RASSF2: variants seen among roughly 807,000 people sequenced by gnomAD.
The protein encoded by RASSF2 is ras association domain-containing protein 2.
A neutral mutation model predicts 46.3 loss-of-function variants in RASSF2; 34 were observed. That is an observed-to-expected ratio of 0.73 (90% CI 0.56 to 0.98). The LOEUF (loss-of-function observed/expected upper bound fraction) is 0.98, where lower values mean the gene tolerates loss of function less well. RASSF2 is among the 50% of genes least tolerant of loss of function. The pLI, the probability that RASSF2 is intolerant of heterozygous loss-of-function variation, is 0.00. For synonymous variants in RASSF2, 158 were observed against 162.5 expected, an observed-to-expected ratio of 0.97 and a Z score of 0.21; for missense variants, 364 against 431.2, an observed-to-expected ratio of 0.84 and a Z score of 1.38.
intron 8 of RASSF2, 57 bp from the exon 9 acceptor site, chr20:4,788,325 G>A (rs752491282): frequency 3.5e-5 from 52 of 1,505,034 alleles, no homozygotes; most frequent in Non-Finnish European, 4.2e-5. Flanking sequence ...TCCCAACTTC[G>A]AGGCTTTTCC....
chr20:4,820,171 G>A (rs887392934), intron 2 of RASSF2, among the ~76,000 whole-genome samples: 6 of 152,120 alleles, frequency 3.9e-5, no homozygotes, highest in East Asian at 1.9e-4. Context: ...GAAACCAGCC[G>A]TGAGACCTGT....
At chr20:4,798,609 A>G (rs79002470) in intron 3 of RASSF2, among the ~76,000 whole-genome samples, 23,486 of 151,518 alleles carry the variant, frequency 0.16, 1,877 homozygotes, top group East Asian at 0.19. Context: ...CGGATCACTT[A>G]AGGTCAGGAG....
chr20:4,798,829 AAAAC>A (rs1167725772), intron 3 of RASSF2, among the ~76,000 whole-genome samples: 62 of 139,374 alleles, frequency 4.4e-4, no homozygotes, highest in African/African-American at 1.5e-3. Flanking sequence ...CCATCTCAAA[AAAAC>A]AAACAAACAA....
At chr20:4,822,142 C>T (rs8125214) in intron 2 of RASSF2, among the ~76,000 whole-genome samples, 187 bp downstream of exon 2, 1 of 152,196 alleles carries the variant, frequency 6.6e-6, no homozygotes, top group African/African-American at 2.4e-5. Context: ...GATTCCTCAT[C>T]CAGATGTTCC....
At chr20:4,810,049 C>T (rs866894909) in intron 2 of RASSF2, among the ~76,000 whole-genome samples, 1 of 152,174 alleles carries the variant, frequency 6.6e-6, no homozygotes, top group South Asian at 2.1e-4. Flanking sequence ...CAGCAGCATC[C>T]ATTACACCTG....
At chr20:4,820,351 A>G (rs1181458325) in intron 2 of RASSF2, among the ~76,000 whole-genome samples, 2 of 152,096 alleles carry the variant, frequency 1.3e-5, no homozygotes, top group African/African-American at 4.8e-5. Context: ...TAAAAAAATA[A>G]AAATAAAAAT....
At chr20:4,787,909 A>G (rs764304476) in intron 9 of RASSF2, among the ~76,000 whole-genome samples, 155 bp from the exon 10 acceptor site, 17 of 152,102 alleles carry the variant, frequency 1.1e-4, no homozygotes, top group Non-Finnish European at 2.5e-4. Context: ...GTGAAAAGCA[A>G]CTTCCTCCCA....
rs1180164036 is a variant in RASSF2, at chr20:4,795,845, CAGG to C, written c.254_256del (p.Ser85del). 15 of 1,610,622 alleles carry C rather than the reference CAGG, an allele frequency of 9.3e-6. No individual in the cohort carries two copies. The highest frequency in any genetic ancestry group is 2.3e-5 in the East Asian group (1 of 44,320). On this transcript the variant is annotated inframe_deletion, in exon 5 of 12. Coordinates refer to ENST00000379400, the MANE Select transcript of RASSF2 (RefSeq NM_014737.3). The surrounding 1 kb of genome is among the most constrained non-coding windows in gnomAD (Gnocchi z 4.0). ...AGCCCCCAGGTTACAGCCAGAGTGC[CAGG>C]AGGAGGAGGATGGAGGGGGTCGAAT...
At chr20:4,798,180 A>T in intron 3 of RASSF2, 95 bp from the exon 4 acceptor site, 2 of 1,536,986 alleles carry the variant, frequency 1.3e-6, no homozygotes, top group Non-Finnish European at 1.8e-6. Context: ...CCTGGCCTTC[A>T]GTCACCCCAC....
intron 3 of RASSF2, among the ~76,000 whole-genome samples, chr20:4,800,126 A>G (rs991574445): frequency 6.6e-6 from 1 of 151,398 alleles, no homozygotes. Context: ...AAAAAAAAAG[A>G]GATAGAGAAA....
At chr20:4,789,889 C>T (rs1362234203) in intron 7 of RASSF2, among the ~76,000 whole-genome samples, 192 bp from the exon 8 acceptor site, 1 of 152,180 alleles carries the variant, frequency 6.6e-6, no homozygotes, top group African/African-American at 2.4e-5. Flanking sequence ...TCATGCTCCA[C>T]GCTCAAAAAG....
chr20:4,806,425 T>C (rs1303980614), intron 2 of RASSF2, among the ~76,000 whole-genome samples: 1 of 152,184 alleles, frequency 6.6e-6, no homozygotes, highest in African/African-American at 2.4e-5. Flanking sequence ...TTTCTTTGAT[T>C]ATTTCCCCTC....
In RASSF2 at chr20:4,792,579, C is replaced by T. The variant is rs1455739986; in HGVS notation, c.336G>A (p.Val112=). The T allele has an allele frequency of 6.2e-7, 1 of 1,614,110 alleles. No homozygotes were observed. The highest frequency in any genetic ancestry group is 1.7e-5 in the Admixed American group (1 of 60,014). Residue 112 remains valine, a synonymous_variant, in exon 6 of 12, where the codon GTG becomes GTA. Transcript: ENST00000379400. ...LTVPKVQISE[V]DAPPEGDQMP... is the part of the protein sequence containing the mutation. ...TCTGGTCACCCTCCGGCGGGGCATC[C>T]ACCTCTGAGATCTGAACTTTGGGCA...
chr20:4,789,501 AAC>A, intron 8 of RASSF2, 93 bp downstream of exon 8: 1 of 1,059,398 alleles, frequency 9.4e-7, no homozygotes, highest in Non-Finnish European at 1.4e-6. Flanking sequence ...CATCCCACAA[AAC>A]ACACAATTTC....
At chr20:4,801,575 C>T (rs1166420760) in intron 2 of RASSF2, among the ~76,000 whole-genome samples, 1 of 152,088 alleles carries the variant, frequency 6.6e-6, no homozygotes, top group Admixed American at 6.5e-5. Flanking sequence ...ATTACAAAAA[C>T]ACAGGTAACA....
intron 2 of RASSF2, among the ~76,000 whole-genome samples, chr20:4,806,319 T>A (rs1008157173): frequency 1.3e-5 from 2 of 152,258 alleles, no homozygotes; most frequent in African/African-American, 4.8e-5. Context: ...GCAGCCTGGT[T>A]GGAGTGGAAA....
chr20:4,811,353 A>G (rs2423030), intron 2 of RASSF2, among the ~76,000 whole-genome samples: 57,297 of 151,010 alleles, frequency 0.38, 11,079 homozygotes, highest in Admixed American at 0.49. Context: ...CCCTTCTTTA[A>G]AAAATCAAAT....
In RASSF2 at chr20:4,807,880, G is replaced by A. The variant is rs117138005; in HGVS notation, c.-32-6818C>T. 2.6e-4 allele frequency among the ~76,000 whole-genome samples: 40 copies of A among 152,296 alleles called. No individual in the cohort carries two copies. In the East Asian group the frequency reaches 7.5e-3, roughly 29 times the overall value. On this transcript the variant is annotated intron_variant, in intron 2 of 11. Transcript: ENST00000379400. ...CAATCCCTCTTTTGCCCCACTCTGG[G>A]CATCTGCACCTTTCTTCACAAACTT...
At chr20:4,815,781 A>G (rs1220772151) in intron 2 of RASSF2, among the ~76,000 whole-genome samples, 2 of 152,238 alleles carry the variant, frequency 1.3e-5, no homozygotes, top group Admixed American at 6.5e-5. Flanking sequence ...CCAGCAAGCC[A>G]TGCTGTGGTC....
Sources: gnomAD v4.1 joint callset for allele counts (sites outside exome capture counted in the v4.1 genomes callset) on GRCh38, gnomAD v4.1.1 for gene constraint, Gnocchi (gnomAD v3.1) non-coding constraint, MANE v1.5 for transcripts, NCBI Gene and HGNC (gene_info 2026-07-23, HGNC 2026-07-21) for gene names.